The following HDAC8 variants were observed in gnomAD, a reference collection of about 807,000 sequenced individuals.
HDAC8 encodes the protein histone deacetylase-like 1.
In HDAC8, 1 loss-of-function variant was observed where a neutral mutation model predicts 32.2. The ratio of observed to expected loss-of-function variants is 0.03; its 90% CI spans 0.01 to 0.15. The LOEUF is 0.15. Ranked by LOEUF, HDAC8 falls within the 10% of genes least tolerant of loss-of-function variation. The probability of loss-of-function intolerance (pLI) is 1.00; values close to 1 mark genes in which losing one functional copy is unlikely to be tolerated. For synonymous variants in HDAC8, 108 were observed against 113.9 expected, an observed-to-expected ratio of 0.95 and a Z score of 0.33; for missense variants, 117 against 300.0, an observed-to-expected ratio of 0.39 and a Z score of 4.51.
chrX:72,474,015 T>C, intron 7 of HDAC8: 1 of 619,316 alleles, frequency 1.6e-6, no homozygotes, highest in Non-Finnish European at 1.9e-6. Flanking sequence ...CTCCCAACTT[T>C]GATCTTGCTG....
At chrX:72,460,086 G>A (rs2047826008) in intron 9 of HDAC8, among the ~76,000 whole-genome samples, 1 of 112,009 alleles carries the variant, frequency 8.9e-6, no homozygotes, top group African/African-American at 3.2e-5. Context: ...AGTCATAAAT[G>A]TCTGGGTATA....
intron 9 of HDAC8, among the ~76,000 whole-genome samples, chrX:72,361,390 A>T (rs1258522505): frequency 1.3e-4 from 14 of 111,482 alleles, no homozygotes; most frequent in Non-Finnish European, 2.6e-4. Context: ...TAATTATTAT[A>T]ATTATTATTA....
At chrX:72,431,545 A>AT (rs1278927122) in intron 9 of HDAC8, among the ~76,000 whole-genome samples, 1 of 107,833 alleles carries the variant, frequency 9.3e-6, no homozygotes, top group African/African-American at 3.4e-5. Context: ...CTTGATTGTG[A>AT]TTTTTTTTCT....
At chrX:72,449,570 TA>T (rs1217314119) in intron 9 of HDAC8, among the ~76,000 whole-genome samples, 2 of 106,082 alleles carry the variant, frequency 1.9e-5, no homozygotes, top group Non-Finnish European at 3.9e-5. Flanking sequence ...ACTTAAAGTA[TA>T]AAAAAAAAAT....
At chrX:72,491,413 T>A (rs917091055) in intron 5 of HDAC8, among the ~76,000 whole-genome samples, 1 of 112,410 alleles carries the variant, frequency 8.9e-6, no homozygotes. Context: ...CTTGTTTAAG[T>A]GGTTATAGTT....
intron 9 of HDAC8, among the ~76,000 whole-genome samples, chrX:72,395,772 G>A (rs1244193511): frequency 1.8e-5 from 2 of 111,890 alleles, no homozygotes; most frequent in Non-Finnish European, 3.8e-5. Context: ...CATTCTCAAG[G>A]CTAATTGTGT....
chrX:72,481,901 G>A (rs931923258), intron 7 of HDAC8, among the ~76,000 whole-genome samples: 1 of 110,766 alleles, frequency 9.0e-6, no homozygotes, highest in Non-Finnish European at 1.9e-5. Context: ...TGAGCCACCT[G>A]TGCCCAGCCC....
At chrX:72,350,360 C>T (rs1555948412) in intron 10 of HDAC8, among the ~76,000 whole-genome samples, 1 of 111,929 alleles carries the variant, frequency 8.9e-6, no homozygotes, top group Non-Finnish European at 1.9e-5. Context: ...GAAGACTTTG[C>T]TGCTGTCATT....
chrX:72,563,769 A>G (rs1397119873), intron 4 of HDAC8, among the ~76,000 whole-genome samples: 1 of 111,585 alleles, frequency 9.0e-6, no homozygotes, highest in Non-Finnish European at 1.9e-5. Flanking sequence ...CCCAGAAGTA[A>G]GATTACCTGA....
At chrX:72,386,657 A>G (rs2045438210) in intron 9 of HDAC8, among the ~76,000 whole-genome samples, 2 of 111,745 alleles carry the variant, frequency 1.8e-5, no homozygotes, top group African/African-American at 6.5e-5. Context: ...CCTATGAGGC[A>G]GGTACTATAC....
At chrX:72,334,590 G>T (rs1950039590) in intron 10 of HDAC8, among the ~76,000 whole-genome samples, 1 of 111,641 alleles carries the variant, frequency 9.0e-6, no homozygotes, top group Non-Finnish European at 1.9e-5. Flanking sequence ...TCCAAGAGAA[G>T]TCCAAATTTC....
chrX:72,390,344 G>T (rs1334500508), intron 9 of HDAC8, among the ~76,000 whole-genome samples: 2 of 112,401 alleles, frequency 1.8e-5, no homozygotes, highest in Non-Finnish European at 3.8e-5. Flanking sequence ...AATGTATAAA[G>T]ATCAAATCAG....
At chrX:72,337,290 T>C (rs1406141698) in intron 10 of HDAC8, among the ~76,000 whole-genome samples, 1 of 112,297 alleles carries the variant, frequency 8.9e-6, no homozygotes, top group Non-Finnish European at 1.9e-5. Flanking sequence ...TAGTCACATG[T>C]GGCTATTGAG....
rs549411405 is a variant in HDAC8 at position 72,416,408 on chromosome X, G to GTTTT, written c.1005+45592_1005+45595dup. Among the ~76,000 whole-genome samples the GTTTT allele has an allele frequency of 2.7e-3, 10 of 3,694 alleles. 4 individuals are homozygous for GTTTT. The highest frequency in any genetic ancestry group is 0.012 in the East Asian group (2 of 164). The allele number at this position is 3,694 out of a possible 115,157, so 3.2% of individuals were successfully genotyped here. On this transcript the variant is annotated intron_variant, in intron 9 of 10. Coordinates refer to ENST00000373573, the MANE Select transcript of HDAC8 (RefSeq NM_018486.3). ...GATATTGGAAATTTGTGTCTTCTCT[G>GTTTT]TTTTTTTTTTTTTTTTTTTTTTTTT...
chrX:72,571,568 T>C (rs1273311273), intron 2 of HDAC8, among the ~76,000 whole-genome samples: 5 of 76,980 alleles, frequency 6.5e-5, no homozygotes, highest in East Asian at 4.4e-4. Context: ...TTTTTTTTTT[T>C]TTTTTTTTTT....
chrX:72,364,968 A>G (rs2044657360), intron 9 of HDAC8, among the ~76,000 whole-genome samples: 2 of 112,245 alleles, frequency 1.8e-5, no homozygotes, highest in South Asian at 7.4e-4. Flanking sequence ...AGAAAGAGGC[A>G]TAGAGTACTC....
chrX:72,459,176 G>A (rs782422810), intron 9 of HDAC8, among the ~76,000 whole-genome samples: 11 of 111,699 alleles, frequency 9.8e-5, no homozygotes, highest in African/African-American at 2.6e-4. Flanking sequence ...TTATTAGATC[G>A]TGAGATTTTG....
At chrX:72,405,104 C>G (rs1555968446) in intron 9 of HDAC8, among the ~76,000 whole-genome samples, 1 of 110,890 alleles carries the variant, frequency 9.0e-6, no homozygotes, top group African/African-American at 3.3e-5. Flanking sequence ...GTTATTTTTC[C>G]TGATCCTCTC....
In HDAC8 at chrX:72,390,677, A is replaced by T. The variant is rs150720888; in HGVS notation, c.1006-38839T>A. Among the ~76,000 whole-genome samples, 644 of 111,930 alleles carry T rather than the reference A, an allele frequency of 5.8e-3. 2 individuals are homozygous for T. The highest frequency in any genetic ancestry group is 0.014 in the Middle Eastern group (3 of 214). ...GATTAGGCCTGAAAGAGCCAGTCAC[A>T]TAGCTGCCAAGATTTGGAACTGAAG... is the stretch of plus-strand genomic sequence containing the variant. On this transcript the variant is annotated intron_variant, in intron 9 of 10. Coordinates refer to ENST00000373573, the MANE Select transcript of HDAC8 (RefSeq NM_018486.3).
Sources: gnomAD v4.1 joint callset for allele counts (sites outside exome capture counted in the v4.1 genomes callset) on GRCh38, gnomAD v4.1.1 for gene constraint, MANE v1.5 for transcripts, NCBI Gene and HGNC (gene_info 2026-07-23, HGNC 2026-07-21) for gene names.